The following VPS35L variants were observed in gnomAD, a reference collection of about 807,000 sequenced individuals.
VPS35L encodes VPS35 endosomal protein sorting factor like, also known as VPS35 endosomal protein-sorting factor-like.
A neutral mutation model predicts 133.0 loss-of-function variants in VPS35L; 83 were observed. The observed-to-expected ratio is 0.62, with a 90% CI of 0.52 to 0.75. VPS35L has a LOEUF of 0.75. Ranked by LOEUF, VPS35L falls within the 30% of genes least tolerant of loss-of-function variation. VPS35L has a pLI of 0.00. For synonymous variants in VPS35L, 423 were observed against 449.9 expected (o/e 0.94, Z 0.76); for missense variants, 1,083 against 1,206.8 (o/e 0.90, Z 1.52).
At chr16:19,674,198 T>C (rs906219510) in intron 27 of VPS35L, among the ~76,000 whole-genome samples, 1 of 136,748 alleles carries the variant, frequency 7.3e-6, no homozygotes. Context: ...TTTTTTTTTT[T>C]TTTTTTTTTT....
At chr16:19,625,701 T>C (rs1464743850) in intron 14 of VPS35L, among the ~76,000 whole-genome samples, 1 of 152,056 alleles carries the variant, frequency 6.6e-6, no homozygotes, top group Non-Finnish European at 1.5e-5. Flanking sequence ...TGAGACAGGG[T>C]CTCCCTCTGT....
intron 14 of VPS35L, among the ~76,000 whole-genome samples, chr16:19,619,278 C>T (rs1973000824): frequency 6.6e-6 from 1 of 152,050 alleles, no homozygotes; most frequent in African/African-American, 2.4e-5. Context: ...CACTGCTTAC[C>T]TTTTTACTTT....
At chr16:19,677,549 G>T (rs2151613256) in intron 27 of VPS35L, among the ~76,000 whole-genome samples, 1 of 152,256 alleles carries the variant, frequency 6.6e-6, no homozygotes, top group African/African-American at 2.4e-5. Flanking sequence ...AGGGCATTCT[G>T]GGCCGAGGAC....
At chr16:19,575,591 G>A (rs1971505631) in intron 5 of VPS35L, among the ~76,000 whole-genome samples, 2 of 146,676 alleles carry the variant, frequency 1.4e-5, no homozygotes, top group South Asian at 2.2e-4. Context: ...AGCCGGGCAC[G>A]GTGGCTCACC....
At chr16:19,613,655 T>A (rs1196390664) in intron 12 of VPS35L, among the ~76,000 whole-genome samples, 1 of 152,218 alleles carries the variant, frequency 6.6e-6, no homozygotes, top group African/African-American at 2.4e-5. Flanking sequence ...CAGGGCTGAT[T>A]CTTGGTGGAT....
intron 4 of VPS35L, 186 bp downstream of exon 4, chr16:19,573,427 AGGTTTCCC>A: frequency 3.4e-6 from 2 of 590,670 alleles, no homozygotes; most frequent in Non-Finnish European, 2.7e-6. Flanking sequence ...ATGTGCTGAC[AGGTTTCCC>A]AAAAAAAAAT....
At chr16:19,607,338 A>G (rs907986408) in intron 9 of VPS35L, among the ~76,000 whole-genome samples, 1 of 152,152 alleles carries the variant, frequency 6.6e-6, no homozygotes, top group Non-Finnish European at 1.5e-5. Flanking sequence ...TCATGTCTGC[A>G]TTCCAGTCAG....
chr16:19,624,161 G>A (rs1973184257), intron 14 of VPS35L, among the ~76,000 whole-genome samples: 1 of 138,938 alleles, frequency 7.2e-6, no homozygotes, highest in African/African-American at 2.7e-5. Context: ...TGGTGCCCAG[G>A]CTGGAGTTCA....
chr16:19,575,204 G>T, intron 5 of VPS35L, 82 bp downstream of exon 5: 2 of 1,295,694 alleles, frequency 1.5e-6, no homozygotes, highest in Non-Finnish European at 2.2e-6. Flanking sequence ...AAAGTTTTAT[G>T]TGATATGATT....
chr16:19,616,835 C>T (rs1047508870), intron 14 of VPS35L, 27 bp downstream of exon 14: 31 of 1,613,968 alleles, frequency 1.9e-5, no homozygotes, highest in African/African-American at 6.7e-5. Context: ...TTCAGTGTGA[C>T]GCTCACCTCC....
chr16:19,645,789 C>T (rs1973927470), intron 23 of VPS35L, among the ~76,000 whole-genome samples: 1 of 152,118 alleles, frequency 6.6e-6, no homozygotes, highest in Admixed American at 6.5e-5. Context: ...TCAGGAGGGC[C>T]GAGAGTGGAA....
Position 19,699,561 on chromosome 16 carries a change from G to A in VPS35L, c.2706G>A (p.Gly902=). 6.2e-7 allele frequency: 1 copy of A among 1,614,176 alleles called. No individual in the cohort carries two copies. Among genetic ancestry groups the A allele is most frequent in the South Asian group, 1.1e-5 (1 of 91,086 alleles). Residue 902 remains glycine, a synonymous_variant, in exon 30 of 31, where the codon GGG becomes GGA. Coordinates refer to ENST00000417362, the MANE Select transcript of VPS35L (RefSeq NM_020314.7). This position sits in a 1 kb window ranked among gnomAD's most constrained non-coding sequence, Gnocchi z 4.2. ...TCTTTAACAGCATCTTGGCCCATGGGGACCTACGCAACAACAAGCTCAACC... is the reference window on the plus strand; with the variant it reads ...TCTTTAACAGCATCTTGGCCCATGGAGACCTACGCAACAACAAGCTCAACC... ...LSFFNSILAH[G]DLRNNKLNQL...
chr16:19,611,632 T>G (rs1972723973), intron 12 of VPS35L: 1 of 152,102 alleles, frequency 6.6e-6, no homozygotes, highest in South Asian at 2.1e-4. Context: ...GGAGCAGATA[T>G]CCATTAGGAA....
At chr16:19,572,989 A>G (rs373430531) in intron 3 of VPS35L, 130 bp from the exon 4 acceptor site, 13 of 1,089,190 alleles carry the variant, frequency 1.2e-5, no homozygotes, top group Non-Finnish European at 1.5e-5. Flanking sequence ...AATTTTTTTT[A>G]TGATAGTAAA....
In VPS35L at chr16:19,633,353, T is replaced by G. The variant is rs1438935839; in HGVS notation, c.1635+181T>G. ...TTAACCTTGTTGTGCCCCAGTTTTC[T>G]CACCTGTGAAATGGAGATAGTAATA... On this transcript the variant is annotated intron_variant, in intron 19 of 30. Transcript: ENST00000417362. This position sits in a 1 kb window ranked among gnomAD's most constrained non-coding sequence, Gnocchi z 4.1. 1.3e-5 allele frequency among the ~76,000 whole-genome samples: 2 copies of G among 152,208 alleles called. No homozygotes were observed. The highest frequency in any genetic ancestry group is 2.9e-5 in the Non-Finnish European group (2 of 68,026).
Position 19,565,412 on chromosome 16 carries a change from A to T in VPS35L, c.117+462A>T, listed in dbSNP as rs1971157584. 1.3e-5 allele frequency among the ~76,000 whole-genome samples: 2 copies of T among 149,876 alleles called. 1 individual carries two copies. The highest frequency in any genetic ancestry group is 1.3e-4 in the Admixed American group (2 of 15,048). Reference sequence around the variant, plus strand: ...GGCTGGAGTGCAGTGGTGTGATCTTAGCTCACGGCAACCTCTGCCTCCCAG... The same window carrying T: ...GGCTGGAGTGCAGTGGTGTGATCTTTGCTCACGGCAACCTCTGCCTCCCAG... On this transcript the variant is annotated intron_variant, in intron 2 of 30. Transcript: ENST00000417362.
intron 21 of VPS35L, among the ~76,000 whole-genome samples, chr16:19,641,238 T>C (rs937391144): frequency 6.6e-6 from 1 of 151,972 alleles, no homozygotes; most frequent in Non-Finnish European, 1.5e-5. Context: ...CTAATTTTTT[T>C]GTATTTTTTA....
At chr16:19,610,025 A>G in intron 11 of VPS35L, among the ~76,000 whole-genome samples, 1 of 152,184 alleles carries the variant, frequency 6.6e-6, no homozygotes, top group East Asian at 1.9e-4. Flanking sequence ...TGAAGACAAA[A>G]ACTGTTAAAA....
chr16:19,690,039 A>G (rs994421781), intron 28 of VPS35L, among the ~76,000 whole-genome samples: 6 of 152,012 alleles, frequency 3.9e-5, no homozygotes, highest in Non-Finnish European at 8.8e-5. Flanking sequence ...TAGCCTCCCA[A>G]GTATCTGGGA....
Sources: allele counts gnomAD v4.1 joint callset (sites outside exome capture counted in the v4.1 genomes callset), GRCh38; gene constraint gnomAD v4.1.1; non-coding constraint Gnocchi (gnomAD v3.1); transcripts MANE v1.5; gene names NCBI Gene and HGNC (gene_info 2026-07-23, HGNC 2026-07-21).